The following VEPH1 variants were observed in gnomAD, a reference collection of about 807,000 sequenced individuals.
VEPH1 encodes ventricular zone expressed PH domain containing 1.
VEPH1 carries 80 observed loss-of-function variants against 85.2 expected under a neutral mutation model. The observed-to-expected ratio is 0.94, with a 90% confidence interval of 0.78 to 1.13. The LOEUF is 1.13. Among genes scored for constraint, VEPH1 ranks in the 50% most tolerant of loss-of-function variants. VEPH1 has a pLI of 0.00. For synonymous variants in VEPH1, 297 were observed against 348.0 expected, an observed-to-expected ratio of 0.85 and a Z score of 1.63; for missense variants, 955 against 980.5, an observed-to-expected ratio of 0.97 and a Z score of 0.35.
chr3:157,498,831 T>C (rs1440815097), intron 1 of VEPH1, among the ~76,000 whole-genome samples: 1 of 152,262 alleles, frequency 6.6e-6, no homozygotes, highest in Non-Finnish European at 1.5e-5. Flanking sequence ...AGAAACTCCC[T>C]ACCCTTATGA....
At chr3:157,329,657 CT>C (rs1722299233) in intron 9 of VEPH1, among the ~76,000 whole-genome samples, 3 of 150,934 alleles carry the variant, frequency 2.0e-5, no homozygotes, top group African/African-American at 7.3e-5. Flanking sequence ...ATTAGTTTTA[CT>C]TTCACTTTCT....
chr3:157,385,530 A>G (rs1729202520), intron 6 of VEPH1, among the ~76,000 whole-genome samples: 1 of 152,192 alleles, frequency 6.6e-6, no homozygotes, highest in African/African-American at 2.4e-5. Flanking sequence ...TCATTAAAAA[A>G]TCACATTTTC....
chr3:157,409,580 A>T, intron 6 of VEPH1: 1 of 965,462 alleles, frequency 1.0e-6, no homozygotes, highest in Non-Finnish European at 1.2e-6. Context: ...AAGAATCTGT[A>T]GGATTTTGGT....
In VEPH1 at chr3:157,470,298, T is replaced by C. The variant is rs747334223; in HGVS notation, c.354+16A>G. 1.2e-6 allele frequency: 2 copies of C among 1,613,206 alleles called. No homozygotes were observed. The highest frequency in any genetic ancestry group is 2.2e-5 in the East Asian group (1 of 44,874). On this transcript the variant is annotated intron_variant, in intron 3 of 13. Coordinates refer to ENST00000362010, the MANE Select transcript of VEPH1 (RefSeq NM_001167912.2). Reference sequence around the variant, plus strand: ...CAACTCAGTATCAAATAGCCTGATGTTGAACACTGACATACCTGTAAAATG... The same window carrying C: ...CAACTCAGTATCAAATAGCCTGATGCTGAACACTGACATACCTGTAAAATG...
intron 7 of VEPH1, among the ~76,000 whole-genome samples, chr3:157,371,165 T>C (rs1219323257): frequency 6.6e-6 from 1 of 152,202 alleles, no homozygotes; most frequent in Non-Finnish European, 1.5e-5. Context: ...ATAAAATCCC[T>C]CCTCTTACTG....
At position 157,485,588 on chromosome 3, in the gene VEPH1, G is replaced by A. The variant is rs141204960; in HGVS notation, c.138+9624C>T. ...AAACTCAATCAATTAAAAATTTTCAGAAAAAATATAAAAATAAACATGGAA... is the reference window on the plus strand; with the variant it reads ...AAACTCAATCAATTAAAAATTTTCAAAAAAAATATAAAAATAAACATGGAA... On this transcript the variant is annotated intron_variant, in intron 2 of 13. Coordinates refer to ENST00000362010, the MANE Select transcript of VEPH1 (RefSeq NM_001167912.2). 9.4e-3 allele frequency among the ~76,000 whole-genome samples: 1,429 copies of A among 151,608 alleles called. 18 individuals carry two copies. The highest frequency in any genetic ancestry group is 0.033 in the African/African-American group (1,347 of 41,338).
intron 9 of VEPH1, among the ~76,000 whole-genome samples, chr3:157,328,048 C>G (rs902002373): frequency 2.0e-5 from 3 of 152,160 alleles, no homozygotes; most frequent in African/African-American, 7.2e-5. Flanking sequence ...TACATAACCT[C>G]TCTGTGGCTC....
intron 12 of VEPH1, among the ~76,000 whole-genome samples, chr3:157,270,417 T>G (rs571852272): frequency 4.6e-5 from 7 of 152,320 alleles, no homozygotes; most frequent in Non-Finnish European, 7.3e-5. Flanking sequence ...TAAACTGAAT[T>G]TTCTAGTGCA....
At chr3:157,484,037 T>C (rs563119487) in intron 2 of VEPH1, among the ~76,000 whole-genome samples, 1 of 152,254 alleles carries the variant, frequency 6.6e-6, no homozygotes, top group South Asian at 2.1e-4. Context: ...TCTAGACATG[T>C]AATAGTGAAA....
intron 9 of VEPH1, among the ~76,000 whole-genome samples, chr3:157,362,262 C>T (rs1726134264): frequency 6.6e-6 from 1 of 152,120 alleles, no homozygotes; most frequent in Non-Finnish European, 1.5e-5. Context: ...AACTCCTGAC[C>T]TCAGGCGATC....
intron 4 of VEPH1, among the ~76,000 whole-genome samples, chr3:157,438,240 A>G (rs1840680): frequency 0.59 from 89,401 of 151,722 alleles, 26,929 homozygotes; most frequent in African/African-American, 0.7. Context: ...GATCCGACTA[A>G]GCGCTGCAGG....
At chr3:157,457,609 A>G (rs1560076870) in intron 4 of VEPH1, among the ~76,000 whole-genome samples, 1 of 152,172 alleles carries the variant, frequency 6.6e-6, no homozygotes, top group Non-Finnish European at 1.5e-5. Flanking sequence ...GAATTTTATC[A>G]AAAGCCTTAT....
chr3:157,492,279 G>T (rs1739281236), intron 2 of VEPH1, among the ~76,000 whole-genome samples: 2 of 152,152 alleles, frequency 1.3e-5, no homozygotes, highest in African/African-American at 4.8e-5. Context: ...CTTGAGAACA[G>T]CATGAAACAC....
At chr3:157,411,090 C>T (rs182467621) in intron 6 of VEPH1, among the ~76,000 whole-genome samples, 2 of 152,256 alleles carry the variant, frequency 1.3e-5, no homozygotes. Context: ...TCCCCTTCCC[C>T]CTTCCTGCTG....
At chr3:157,442,392 A>G in intron 4 of VEPH1, 3 of 1,612,492 alleles carry the variant, frequency 1.9e-6, no homozygotes, top group Non-Finnish European at 2.5e-6. Flanking sequence ...TTTATTCCCA[A>G]TGCGTTCCAA....
chr3:157,399,363 C>T (rs1380616941), intron 6 of VEPH1, among the ~76,000 whole-genome samples: 1 of 152,148 alleles, frequency 6.6e-6, no homozygotes, highest in East Asian at 1.9e-4. Flanking sequence ...AAAGCAGTTA[C>T]GTGATTACAT....
intron 6 of VEPH1, among the ~76,000 whole-genome samples, chr3:157,385,337 TA>T (rs1729183857): frequency 6.6e-6 from 1 of 152,068 alleles, no homozygotes; most frequent in Non-Finnish European, 1.5e-5. Context: ...AATTTAGTTA[TA>T]TAAATATTAT....
chr3:157,395,707 CT>C (rs967916995), intron 6 of VEPH1, among the ~76,000 whole-genome samples: 2 of 151,356 alleles, frequency 1.3e-5, no homozygotes, highest in South Asian at 2.1e-4. Flanking sequence ...CACCAATTTT[CT>C]TTTTTTTTAA....
At chr3:157,378,221 C>T (rs1197314685) in intron 7 of VEPH1, among the ~76,000 whole-genome samples, 2 of 150,776 alleles carry the variant, frequency 1.3e-5, no homozygotes, top group Non-Finnish European at 2.9e-5. Flanking sequence ...TTTAATGATG[C>T]TGGCCTTGAC....
Sources: allele counts gnomAD v4.1 joint callset (sites outside exome capture counted in the v4.1 genomes callset), GRCh38; gene constraint gnomAD v4.1.1; transcripts MANE v1.5; gene names NCBI Gene and HGNC (gene_info 2026-07-23, HGNC 2026-07-21).